Variants in SMYD3 observed in about 807,000 individuals in gnomAD.
The protein encoded by SMYD3 is SET and MYND domain containing 3, also known as histone-lysine N-methyltransferase SMYD3.
Under a neutral mutation model 57.7 loss-of-function variants are expected in SMYD3, and 36 were observed. The observed-to-expected ratio is 0.62, with a 90% confidence interval of 0.48 to 0.82. The LOEUF (loss-of-function observed/expected upper bound fraction) is 0.82, where lower values mean the gene tolerates loss of function less well. Among genes scored for constraint, SMYD3 ranks in the 40% least tolerant of loss-of-function variants. The pLI is 0.00. For missense variants in SMYD3, 515 were observed against 538.8 expected (o/e 0.96, Z 0.44); for synonymous variants, 211 against 195.0 (o/e 1.08, Z -0.68).
At chr1:245,809,294 C>CA (rs1225326574) in intron 10 of SMYD3, among the ~76,000 whole-genome samples, 2 of 152,288 alleles carry the variant, frequency 1.3e-5, no homozygotes, top group East Asian at 3.9e-4. Flanking sequence ...ACTGTGCACC[C>CA]ATTTCCTTTC....
chr1:246,085,006 C>T (rs1483165462), intron 5 of SMYD3, among the ~76,000 whole-genome samples: 1 of 152,188 alleles, frequency 6.6e-6, no homozygotes, highest in Non-Finnish European at 1.5e-5. Context: ...GAAATGATCA[C>T]TAAATGCTGC....
chr1:245,820,603 T>C (rs1282219239), intron 10 of SMYD3, among the ~76,000 whole-genome samples: 2 of 152,280 alleles, frequency 1.3e-5, no homozygotes, highest in Non-Finnish European at 2.9e-5. Flanking sequence ...ACAAGTCAAA[T>C]TGTCCCTGTT....
At chr1:246,192,434 T>G (rs1257288473) in intron 5 of SMYD3, among the ~76,000 whole-genome samples, 1 of 152,056 alleles carries the variant, frequency 6.6e-6, no homozygotes, top group Admixed American at 6.5e-5. Flanking sequence ...TAATTTTTCT[T>G]TTGTAGTGAT....
chr1:246,074,468 A>G (rs1011462362), intron 5 of SMYD3, among the ~76,000 whole-genome samples: 10 of 152,200 alleles, frequency 6.6e-5, no homozygotes, highest in African/African-American at 2.4e-4. Flanking sequence ...TACCAAATAT[A>G]ACAACTATAA....
chr1:245,751,578 A>G lies in SMYD3; in HGVS notation c.1186-1914T>C, dbSNP rs9700418. ...AGACAGAGAGACAGAGAGAAAGAGA[A>G]AGAGAGAGAGAGAGAAAGAGAGAGA... is the stretch of plus-strand genomic sequence containing the variant. On this transcript the variant is annotated intron_variant, in intron 11 of 11. Transcript: ENST00000490107. Among the ~76,000 whole-genome samples, 289 of 113,624 alleles carry G rather than the reference A, an allele frequency of 2.5e-3. 2 individuals carry two copies. The highest frequency in any genetic ancestry group is 0.014 in the Middle Eastern group (3 of 214). 74.5% of individuals were successfully genotyped at this position (113,624 alleles called of 152,430 possible). A position where few individuals can be genotyped will look rare whatever the true frequency, so the allele number is the denominator to read the frequency against.
intron 5 of SMYD3, among the ~76,000 whole-genome samples, chr1:246,228,877 G>A (rs2063369776): frequency 6.6e-6 from 1 of 151,864 alleles, no homozygotes; most frequent in Non-Finnish European, 1.5e-5. Context: ...AAGTTCCCAT[G>A]ATCTTTGAGA....
At chr1:245,909,180 T>C (rs10924382) in intron 8 of SMYD3, among the ~76,000 whole-genome samples, 117,944 of 152,108 alleles carry the variant, frequency 0.78, 50,612 homozygotes, top group Non-Finnish European at 0.95. Context: ...GCAACAACTG[T>C]ATGCCAATAA....
intron 5 of SMYD3, among the ~76,000 whole-genome samples, chr1:246,240,867 A>T (rs10924600): frequency 0.41 from 62,320 of 150,528 alleles, 14,546 homozygotes; most frequent in East Asian, 0.79. Context: ...TGAATGGGAG[A>T]TCACTCATGA....
At chr1:245,959,147 A>C (rs58175687) in intron 5 of SMYD3, among the ~76,000 whole-genome samples, 23,165 of 128,210 alleles carry the variant, frequency 0.18, 3,014 homozygotes, top group African/African-American at 0.37. Flanking sequence ...AAACAAACAA[A>C]AAACAAACAA....
At chr1:245,938,889 A>AG (rs1333570911) in intron 5 of SMYD3, among the ~76,000 whole-genome samples, 6 of 152,316 alleles carry the variant, frequency 3.9e-5, no homozygotes, top group Middle Eastern at 3.4e-3. Flanking sequence ...TTTGCAAGGA[A>AG]GGTTCCCCTT....
intron 5 of SMYD3, among the ~76,000 whole-genome samples, chr1:246,152,620 T>G (rs2148162422): frequency 1.3e-5 from 2 of 152,352 alleles, no homozygotes; most frequent in South Asian, 4.1e-4. Flanking sequence ...GACAAACAAT[T>G]TCATTCGATT....
chr1:245,919,235 T>C (rs919455513), intron 7 of SMYD3, among the ~76,000 whole-genome samples: 7 of 152,216 alleles, frequency 4.6e-5, no homozygotes, highest in Admixed American at 3.9e-4. Flanking sequence ...CGATGGTTTC[T>C]CACTGCCCTT....
intron 5 of SMYD3, among the ~76,000 whole-genome samples, chr1:245,995,091 C>CA (rs954378048): frequency 7.3e-4 from 111 of 151,070 alleles, no homozygotes; most frequent in African/African-American, 2.5e-3. Context: ...GACTCCGTCT[C>CA]AAAAAAAAGA....
Position 246,233,321 on chromosome 1 carries a change from T to C in SMYD3, c.531+93880A>G, listed in dbSNP as rs565021089. On this transcript the variant is annotated intron_variant, in intron 5 of 11. Coordinates refer to ENST00000490107, the MANE Select transcript of SMYD3 (RefSeq NM_001167740.2). ...TCCTCAATTCACACTGTGATGAACA[T>C]ATACCACACAGAGGAGAAGCGCTCC... Among the ~76,000 whole-genome samples the C allele has an allele frequency of 6.5e-5, 8 of 122,440 alleles. 1 individual carries two copies. Among genetic ancestry groups the C allele is most frequent in the African/African-American group, 2.5e-4 (8 of 31,730 alleles). 80.3% of individuals were successfully genotyped at this position (122,440 alleles called of 152,430 possible). A position where few individuals can be genotyped will look rare whatever the true frequency, so the allele number is the denominator to read the frequency against.
At chr1:246,092,839 T>G (rs1463674309) in intron 5 of SMYD3, among the ~76,000 whole-genome samples, 1 of 151,972 alleles carries the variant, frequency 6.6e-6, no homozygotes, top group East Asian at 1.9e-4. Flanking sequence ...GAGAAGATAT[T>G]TGCAAACTCT....
chr1:246,068,908 T>G (rs2060395878), intron 5 of SMYD3, among the ~76,000 whole-genome samples: 1 of 152,152 alleles, frequency 6.6e-6, no homozygotes, highest in Non-Finnish European at 1.5e-5. Flanking sequence ...TACCTTATGC[T>G]TCTGCTGAAA....
chr1:246,475,071 C>T (rs946432370), intron 1 of SMYD3, among the ~76,000 whole-genome samples: 3 of 152,184 alleles, frequency 2.0e-5, no homozygotes, highest in African/African-American at 7.2e-5. Context: ...AATCCCAGCA[C>T]TTTGAGATGC....
intron 11 of SMYD3, among the ~76,000 whole-genome samples, chr1:245,750,009 C>A (rs2045272141): frequency 6.6e-6 from 1 of 152,164 alleles, no homozygotes; most frequent in African/African-American, 2.4e-5. Context: ...CATGCTGCTA[C>A]CACCTTAAAA....
intron 5 of SMYD3, among the ~76,000 whole-genome samples, chr1:246,070,313 G>A (rs115003894): frequency 6.6e-6 from 1 of 152,206 alleles, no homozygotes; most frequent in East Asian, 1.9e-4. Flanking sequence ...AAAGGAGAAA[G>A]AGAAAGTGGT....
Sources: allele counts gnomAD v4.1 joint callset (sites outside exome capture counted in the v4.1 genomes callset), GRCh38; gene constraint gnomAD v4.1.1; transcripts MANE v1.5; gene names NCBI Gene and HGNC (gene_info 2026-07-23, HGNC 2026-07-21).